TSPAN12: variants seen among roughly 807,000 people sequenced by gnomAD.
TSPAN12 encodes tetraspanin 12.
A neutral mutation model predicts 39.2 loss-of-function variants in TSPAN12; 19 were observed. That is an observed-to-expected ratio of 0.49 (90% CI 0.34 to 0.71). The LOEUF (loss-of-function observed/expected upper bound fraction) is 0.71. Ranked by LOEUF, TSPAN12 falls within the 30% of genes least tolerant of loss-of-function variation. TSPAN12 has a pLI of 0.01. For synonymous variants in TSPAN12, 119 were observed against 124.8 expected (o/e 0.95, Z 0.31); for missense variants, 314 against 359.9 (o/e 0.87, Z 1.03).
chr7:120,806,165 T>C (rs1016630666), intron 7 of TSPAN12, among the ~76,000 whole-genome samples: 1 of 152,048 alleles, frequency 6.6e-6, no homozygotes, highest in Non-Finnish European at 1.5e-5. Flanking sequence ...GTTGGTGGTC[T>C]ATGTGGAGGC....
intron 7 of TSPAN12, among the ~76,000 whole-genome samples, 182 bp downstream of exon 7, chr7:120,806,367 T>A (rs910151436): frequency 8.5e-5 from 13 of 152,096 alleles, no homozygotes; most frequent in Non-Finnish European, 1.9e-4. Context: ...TAAAATGTGA[T>A]TAATGTTTAG....
Position 120,787,826 on chromosome 7 carries a change from A to G in TSPAN12, c.*766T>C, listed in dbSNP as rs1434952296. The G allele has an allele frequency of 6.6e-6, 1 of 152,464 alleles. No homozygotes were observed. Among genetic ancestry groups the G allele is most frequent in the African/African-American group, 2.4e-5 (1 of 41,462 alleles). The allele number at this position is 152,464 out of a possible 1,614,324, so 9.4% of individuals were successfully genotyped here. On this transcript the variant is annotated 3_prime_UTR_variant, in exon 8 of 8. Coordinates refer to ENST00000222747, the MANE Select transcript of TSPAN12 (RefSeq NM_012338.4). ...TCAAAATTAGTGGTTAAGTATTTAA[A>G]TAACAGTTATATGTGTAATATAAGC...
At chr7:120,834,837 T>TA (rs1794448034) in intron 4 of TSPAN12, among the ~76,000 whole-genome samples, 2 of 152,184 alleles carry the variant, frequency 1.3e-5, no homozygotes, top group Admixed American at 1.3e-4. Context: ...ACACAAAAAA[T>TA]ACTGTAAGTT....
intron 2 of TSPAN12, among the ~76,000 whole-genome samples, chr7:120,853,127 C>T (rs1014466216): frequency 2.0e-5 from 3 of 149,702 alleles, no homozygotes; most frequent in Admixed American, 6.7e-5. Flanking sequence ...CAGAGTCTCA[C>T]TCTGTCACCA....
intron 3 of TSPAN12, 59 bp from the exon 4 acceptor site, chr7:120,838,971 T>C: frequency 2.6e-6 from 4 of 1,548,592 alleles, no homozygotes; most frequent in East Asian, 2.2e-5. Flanking sequence ...ACCCAAGACA[T>C]AGCAGAAGAC....
intron 4 of TSPAN12, among the ~76,000 whole-genome samples, chr7:120,825,658 T>G (rs994373183): frequency 6.6e-6 from 1 of 152,212 alleles, no homozygotes. Flanking sequence ...TCCCGGTGAT[T>G]GGAGGTTTAA....
Position 120,788,379 on chromosome 7 carries a change from T to G in TSPAN12, c.*213A>C. On this transcript the variant is annotated 3_prime_UTR_variant, in exon 8 of 8. Coordinates refer to ENST00000222747, the MANE Select transcript of TSPAN12 (RefSeq NM_012338.4). ...CTACACAGTGGGTATGACATCTGTC[T>G]TCAGCATTTTAAGGGCATCAATTAT... 1 of 595,184 alleles carries G rather than the reference T, an allele frequency of 1.7e-6. No homozygotes were observed. The highest frequency in any genetic ancestry group is 2.9e-6 in the Non-Finnish European group (1 of 340,460). 36.9% of individuals were successfully genotyped at this position (595,184 alleles called of 1,614,324 possible). A position where few individuals can be genotyped will look rare whatever the true frequency, so the allele number is the denominator to read the frequency against.
chr7:120,834,948 C>A (rs561765289), intron 4 of TSPAN12, among the ~76,000 whole-genome samples: 1 of 152,192 alleles, frequency 6.6e-6, no homozygotes, highest in Non-Finnish European at 1.5e-5. Flanking sequence ...CTAACCTTTT[C>A]TAACAGTCAA....
intron 4 of TSPAN12, among the ~76,000 whole-genome samples, chr7:120,817,871 C>T (rs1438290743): frequency 6.6e-6 from 1 of 152,114 alleles, no homozygotes; most frequent in Non-Finnish European, 1.5e-5. Flanking sequence ...GAAAGCTCCA[C>T]TAAGGGCAGG....
rs1375168706 is a variant in TSPAN12, at chr7:120,858,138, T to C, written c.-389A>G. On this transcript the variant is annotated 5_prime_UTR_variant, in exon 1 of 8. Coordinates refer to ENST00000222747, the MANE Select transcript of TSPAN12 (RefSeq NM_012338.4). ...CAGCCAGGGCCAGCTGCACAAACTC[T>C]CAGCGCATGCTCGAGCCGCTGGCTG... The C allele has an allele frequency of 6.6e-6, 1 of 151,994 alleles. No homozygotes were observed. Among genetic ancestry groups the C allele is most frequent in the Non-Finnish European group, 1.5e-5 (1 of 68,092 alleles). 9.4% of individuals were successfully genotyped at this position (151,994 alleles called of 1,614,324 possible).
At position 120,856,718 on chromosome 7, in the gene TSPAN12, C is replaced by G; in HGVS notation, c.46G>C (p.Ala16Pro). 1 of 1,614,198 alleles carries G rather than the reference C, an allele frequency of 6.2e-7. No homozygotes were observed. The highest frequency in any genetic ancestry group is 1.1e-5 in the South Asian group (1 of 91,086). Residue 16 changes from alanine to proline, a missense_variant, in exon 2 of 8, where the codon GCC becomes CCC. Ala to Pro is a conservative substitution (Grantham distance 27). Transcript: ENST00000222747. ...SVKCLRCLLY[A>P]LNLLFWLMSI... ...CTTACCCAAAAGAGCAGATTGAGGG[C>G]GTAGAGCAGGCAGCGCAGACACTTC...
intron 7 of TSPAN12, among the ~76,000 whole-genome samples, chr7:120,799,548 A>G (rs865821544): frequency 2.4e-4 from 28 of 114,586 alleles, no homozygotes; most frequent in African/African-American, 9.5e-4. Context: ...ATATAATTAT[A>G]TATATAATTA....
At chr7:120,842,780 G>T (rs750413382) in intron 2 of TSPAN12, among the ~76,000 whole-genome samples, 1 of 151,884 alleles carries the variant, frequency 6.6e-6, no homozygotes, top group Non-Finnish European at 1.5e-5. Flanking sequence ...AATGTATTTC[G>T]ATATAATTAA....
chr7:120,803,094 A>G (rs1793805511), intron 7 of TSPAN12, among the ~76,000 whole-genome samples: 2 of 152,190 alleles, frequency 1.3e-5, no homozygotes, highest in Admixed American at 6.6e-5. Flanking sequence ...TACACTACCA[A>G]TGACATGGTT....
At chr7:120,853,723 A>C (rs749200504) in intron 2 of TSPAN12, among the ~76,000 whole-genome samples, 10 of 150,964 alleles carry the variant, frequency 6.6e-5, no homozygotes, top group Non-Finnish European at 1.2e-4. Context: ...AAAATACAAA[A>C]ATTAGCTGGG....
chr7:120,854,889 T>C (rs1794841832), intron 2 of TSPAN12, among the ~76,000 whole-genome samples: 1 of 152,026 alleles, frequency 6.6e-6, no homozygotes, highest in Non-Finnish European at 1.5e-5. Context: ...GCAATCTAAA[T>C]AAGTCAATAA....
At chr7:120,802,915 T>C (rs1002113980) in intron 7 of TSPAN12, among the ~76,000 whole-genome samples, 2 of 152,188 alleles carry the variant, frequency 1.3e-5, no homozygotes, top group African/African-American at 4.8e-5. Flanking sequence ...TCAGGGACCA[T>C]GCAGGCTACC....
chr7:120,794,014 TGA>T (rs980282805), intron 7 of TSPAN12, among the ~76,000 whole-genome samples: 18 of 152,222 alleles, frequency 1.2e-4, no homozygotes, highest in African/African-American at 4.3e-4. Flanking sequence ...GTCAGAAAGC[TGA>T]GAGGCAAACA....
At chr7:120,847,209 C>A (rs1350558258) in intron 2 of TSPAN12, among the ~76,000 whole-genome samples, 2 of 147,892 alleles carry the variant, frequency 1.4e-5, no homozygotes, top group African/African-American at 5.1e-5. Flanking sequence ...AAAATAAGTC[C>A]TACTTCATAG....
Sources: allele counts gnomAD v4.1 joint callset (sites outside exome capture counted in the v4.1 genomes callset), GRCh38; gene constraint gnomAD v4.1.1; transcripts MANE v1.5; gene names NCBI Gene and HGNC (gene_info 2026-07-23, HGNC 2026-07-21).